XPNPEP2: variants seen among roughly 807,000 people sequenced by gnomAD.
XPNPEP2 encodes X-prolyl aminopeptidase 2.
In XPNPEP2, 64 loss-of-function variants were observed where a neutral mutation model predicts 59.8. That is an observed-to-expected ratio of 1.07 (90% confidence interval 0.87 to 1.32). The LOEUF is 1.32. Ranked by LOEUF, XPNPEP2 falls within the 40% of genes most tolerant of loss-of-function variation. The pLI is 0.00. For synonymous variants in XPNPEP2, 235 were observed against 210.0 expected (o/e 1.12, Z -1.03); for missense variants, 575 against 546.8 (o/e 1.05, Z -0.51).
At chrX:129,743,248 C>T (rs1402610865) in intron 2 of XPNPEP2, among the ~76,000 whole-genome samples, 2 of 112,339 alleles carry the variant, frequency 1.8e-5, no homozygotes, top group Admixed American at 1.9e-4. Context: ...CGGAAACATG[C>T]TTTTCGTTTT....
chrX:129,757,203 G>A (rs924437289), intron 14 of XPNPEP2, among the ~76,000 whole-genome samples: 2 of 106,753 alleles, frequency 1.9e-5, no homozygotes, highest in African/African-American at 6.9e-5. Flanking sequence ...AAAGTGCTGG[G>A]ATTACAGACA....
At chrX:129,744,503 G>T (rs1926257995) in intron 3 of XPNPEP2, among the ~76,000 whole-genome samples, 1 of 111,791 alleles carries the variant, frequency 8.9e-6, no homozygotes. Context: ...GGAGCGCGGG[G>T]TTGGTTGTGG....
chrX:129,765,635 C>CTTTTTTTTTTTTTTTTTTTT (rs56014067), intron 19 of XPNPEP2, among the ~76,000 whole-genome samples: 48 of 67,307 alleles, frequency 7.1e-4, no homozygotes, highest in Non-Finnish European at 1.1e-3. Context: ...TTCTTTCTTT[C>CTTTTTTTTTTTTTTTTTTTT]TTTTTTTTTT....
intron 3 of XPNPEP2, 42 bp downstream of exon 3, chrX:129,744,113 T>G: frequency 9.0e-7 from 1 of 1,107,727 alleles, no homozygotes; most frequent in Non-Finnish European, 1.2e-6. Context: ...TCTGCTACCC[T>G]GGGTCAGAGA....
chrX:129,748,211 G>A (rs1926336055), intron 7 of XPNPEP2, among the ~76,000 whole-genome samples: 1 of 112,125 alleles, frequency 8.9e-6, no homozygotes, highest in Non-Finnish European at 1.9e-5. Flanking sequence ...GGTGGGCCAG[G>A]AGTGGACAGA....
At chrX:129,756,350 C>T in intron 13 of XPNPEP2, 134 bp from the exon 14 acceptor site, 1 of 584,430 alleles carries the variant, frequency 1.7e-6, no homozygotes, top group South Asian at 2.5e-5. Flanking sequence ...CTTCCAGGGC[C>T]CTTTGGGATA....
intron 12 of XPNPEP2, 87 bp from the exon 13 acceptor site, chrX:129,755,207 G>T (rs1926495820): frequency 1.1e-6 from 1 of 933,881 alleles, no homozygotes; most frequent in South Asian, 2.1e-5. Flanking sequence ...AGGCAGCCAT[G>T]ACCTTCATTG....
intron 19 of XPNPEP2, among the ~76,000 whole-genome samples, chrX:129,765,302 T>A (rs184769405): frequency 3.6e-5 from 4 of 111,881 alleles, no homozygotes; most frequent in Admixed American, 2.9e-4. Flanking sequence ...GTTTCCAAAT[T>A]TTTACTATAT....
chrX:129,751,116 C>G (rs926364143), intron 8 of XPNPEP2, among the ~76,000 whole-genome samples: 3 of 77,930 alleles, frequency 3.8e-5, no homozygotes, highest in Non-Finnish European at 7.6e-5. Flanking sequence ...CCCCCCCCCC[C>G]GGCAAAAAGA....
In XPNPEP2 at chrX:129,739,125, A is replaced by G; in HGVS notation, c.-89A>G. On this transcript the variant is annotated 5_prime_UTR_variant, in exon 1 of 21. Transcript: ENST00000371106. ...CCCCACCCTCTGTCTGCTCGAGCCCAGGAAAGGCCTGAAGGAAGAGGCCGG... is the reference window on the plus strand; with the variant it reads ...CCCCACCCTCTGTCTGCTCGAGCCCGGGAAAGGCCTGAAGGAAGAGGCCGG... 1.0e-6 allele frequency: 1 copy of G among 1,002,440 alleles called. No homozygotes were observed. Among genetic ancestry groups the G allele is most frequent in the African/African-American group, 1.9e-5 (1 of 53,158 alleles). 82.6% of individuals were successfully genotyped at this position (1,002,440 alleles called of 1,213,427 possible).
At chrX:129,759,830 C>T (rs1461396432) in intron 15 of XPNPEP2, among the ~76,000 whole-genome samples, 1 of 112,416 alleles carries the variant, frequency 8.9e-6, no homozygotes, top group Non-Finnish European at 1.9e-5. Flanking sequence ...GGCTGTCCTG[C>T]CCAAAGTGAC....
intron 20 of XPNPEP2, 100 bp downstream of exon 20, chrX:129,767,792 T>G: frequency 1.1e-6 from 1 of 871,792 alleles, no homozygotes; most frequent in African/African-American, 2.0e-5. Flanking sequence ...TCCAGGAGGG[T>G]CCACACTGGT....
chrX:129,742,384 C>T (rs2124012421), intron 2 of XPNPEP2, among the ~76,000 whole-genome samples: 1 of 107,267 alleles, frequency 9.3e-6, no homozygotes, highest in Non-Finnish European at 1.9e-5. Flanking sequence ...CCACTCCCTC[C>T]CCTCCACATC....
At chrX:129,753,512 G>T (rs1175868072) in intron 11 of XPNPEP2, among the ~76,000 whole-genome samples, 1 of 110,997 alleles carries the variant, frequency 9.0e-6, no homozygotes, top group Non-Finnish European at 1.9e-5. Context: ...GCGTGGTGGC[G>T]ATCACCTGTA....
rs376667744 is a variant in XPNPEP2, at chrX:129,761,196, G to A, written c.1523G>A (p.Arg508His). 2.1e-5 allele frequency: 25 copies of A among 1,211,791 alleles called. No homozygotes were observed. The South Asian group carries it at 3.2e-4, about 15-fold the overall frequency. Reference protein sequence around the residue: ...TSGRMVEAFARRALWDAGLNY... With the variant: ...TSGRMVEAFAHRALWDAGLNY... ...GGGCGAATGGTGGAGGCCTTTGCCC[G>A]CAGAGCCTTGTGGGATGCTGGTCTC... The change falls in exon 17 of 21, where the codon CGC becomes CAC. Residue 508 changes from arginine to histidine, a missense_variant. Transcript: ENST00000371106.
At chrX:129,750,690 G>T in intron 8 of XPNPEP2, 121 bp downstream of exon 8, 1 of 571,849 alleles carries the variant, frequency 1.7e-6, no homozygotes, top group Non-Finnish European at 2.7e-6. Context: ...CAATTCTTGA[G>T]AACTCCATGG....
chrX:129,756,526 G>A lies in XPNPEP2; in HGVS notation c.1338G>A (p.Met446Ile). Reference protein sequence around the residue: ...ELNRKLSSDEMYLLDSGGQYW... With the variant: ...ELNRKLSSDEIYLLDSGGQYW... ...ACCGCAAGCTGTCCTCAGATGAGAT[G>A]TACCTGCTGGACTCTGGGGGGCAGT... The change falls in exon 14 of 21, where the codon ATG (methionine) becomes ATA (isoleucine). Residue 446 changes from methionine (M) to isoleucine (I), a missense_variant. Physicochemically the swap from Met to Ile is conservative, Grantham distance 10. Coordinates refer to ENST00000371106, the MANE Select transcript of XPNPEP2 (RefSeq NM_003399.6). The A allele has an allele frequency of 2.5e-6, 3 of 1,211,423 alleles. No homozygotes were observed. The highest frequency in any genetic ancestry group is 3.0e-5 in the East Asian group (1 of 33,805).
chrX:129,742,275 C>G, intron 2 of XPNPEP2, 94 bp downstream of exon 2: 1 of 479,245 alleles, frequency 2.1e-6, no homozygotes, highest in Non-Finnish European at 3.5e-6. Context: ...CACCCCCGCC[C>G]TGCTCTATCA....
chrX:129,746,473 G>A, intron 5 of XPNPEP2, 122 bp from the exon 6 acceptor site: 1 of 940,862 alleles, frequency 1.1e-6, no homozygotes, highest in African/African-American at 1.9e-5. Flanking sequence ...GGCCATCACT[G>A]ACTTTCAAGG....
Sources: allele counts gnomAD v4.1 joint callset (sites outside exome capture counted in the v4.1 genomes callset), GRCh38; gene constraint gnomAD v4.1.1; transcripts MANE v1.5; gene names NCBI Gene and HGNC (gene_info 2026-07-23, HGNC 2026-07-21).